The following NRP2 variants were observed in gnomAD, a reference collection of about 807,000 sequenced individuals.
NRP2 encodes the protein neuropilin-2.
In NRP2, 52 loss-of-function variants were observed where a neutral mutation model predicts 110.4. That is an observed-to-expected ratio of 0.47 (90% CI 0.38 to 0.59). NRP2 has a LOEUF of 0.59. Ranked by LOEUF, NRP2 falls within the 20% of genes least tolerant of loss-of-function variation. The pLI, the probability that NRP2 is intolerant of heterozygous loss-of-function variation, is 0.00. For missense variants in NRP2, 1,049 were observed against 1,203.0 expected, an observed-to-expected ratio of 0.87 and a Z score of 1.89; for synonymous variants, 508 against 468.9, an observed-to-expected ratio of 1.08 and a Z score of -1.08.
At chr2:205,702,329 C>G (rs1432493868) in intron 2 of NRP2, among the ~76,000 whole-genome samples, 1 of 152,208 alleles carries the variant, frequency 6.6e-6, no homozygotes, top group African/African-American at 2.4e-5. Context: ...TTTGCTCAAG[C>G]CAGTGCAATC....
intron 1 of NRP2, among the ~76,000 whole-genome samples, chr2:205,695,447 A>G (rs2056403771): frequency 6.6e-6 from 1 of 152,252 alleles, no homozygotes; most frequent in South Asian, 2.1e-4. Flanking sequence ...TTGAGGGAGA[A>G]AAGTTCCCCT....
chr2:205,767,616 A>G (rs1034068367), intron 15 of NRP2: 2 of 305,936 alleles, frequency 6.5e-6, no homozygotes, highest in African/African-American at 4.5e-5. Context: ...GGTGATGGCA[A>G]TGTTGTTTGT....
intron 2 of NRP2, among the ~76,000 whole-genome samples, chr2:205,698,239 A>G (rs779874404): frequency 9.2e-5 from 14 of 152,078 alleles, no homozygotes; most frequent in Admixed American, 1.3e-4. Context: ...AAAAAAATCT[A>G]AGTAGTTCTA....
chr2:205,794,859 T>G lies in NRP2; in HGVS notation c.2582T>G (p.Leu861Arg). Residue 861 changes from leucine to arginine, a missense_variant, in exon 17 of 17, where the codon CTC becomes CGC. Physicochemically the swap from Leu to Arg is moderately radical, Grantham distance 102 (BLOSUM62 -2). Transcript: ENST00000357785. Reference sequence around the variant, plus strand: ...TGGCTGTACACCCTGGATCCCATCCTCATCACCATCATCGCCATGAGCTCA... The same window carrying G: ...TGGCTGTACACCCTGGATCCCATCCGCATCACCATCATCGCCATGAGCTCA... Reference protein sequence around the residue: ...KSWLYTLDPILITIIAMSSLG... With the variant: ...KSWLYTLDPIRITIIAMSSLG... 6.2e-7 allele frequency: 1 copy of G among 1,614,176 alleles called. No individual in the cohort carries two copies. The highest frequency in any genetic ancestry group is 8.5e-7 in the Non-Finnish European group (1 of 1,180,042).
At chr2:205,685,554 C>A (rs849533) in intron 1 of NRP2, among the ~76,000 whole-genome samples, 132,869 of 152,276 alleles carry the variant, frequency 0.87, 58,556 homozygotes, top group East Asian at 0.95. Context: ...GCAAATAACA[C>A]GGCGGTCGCG....
intron 9 of NRP2, among the ~76,000 whole-genome samples, chr2:205,743,988 C>T (rs1178780107): frequency 6.6e-6 from 1 of 152,208 alleles, no homozygotes; most frequent in Non-Finnish European, 1.5e-5. Context: ...AAGTGATCCA[C>T]TTGCCTTGGC....
At chr2:205,713,535 A>C (rs2056838501) in intron 2 of NRP2, among the ~76,000 whole-genome samples, 1 of 152,234 alleles carries the variant, frequency 6.6e-6, no homozygotes, top group Non-Finnish European at 1.5e-5. Flanking sequence ...GCCATTGTTC[A>C]TATTTTAGTA....
At chr2:205,740,480 A>C (rs767262536) in intron 7 of NRP2, 39 bp from the exon 8 acceptor site, 7 of 1,613,284 alleles carry the variant, frequency 4.3e-6, no homozygotes, top group Non-Finnish European at 5.9e-6. Context: ...AACTACAAAC[A>C]GGGGTTTCAA....
chr2:205,716,783 T>C (rs1296549011), intron 3 of NRP2, among the ~76,000 whole-genome samples: 1 of 152,166 alleles, frequency 6.6e-6, no homozygotes, highest in African/African-American at 2.4e-5. Flanking sequence ...GAGGACATAA[T>C]CTTTTCATTG....
intron 12 of NRP2, among the ~76,000 whole-genome samples, chr2:205,758,470 C>A (rs1490172247): frequency 6.6e-6 from 1 of 152,162 alleles, no homozygotes; most frequent in Non-Finnish European, 1.5e-5. Flanking sequence ...GCAGCTGAAG[C>A]CAGATGCGGC....
chr2:205,740,296 G>T (rs1012862147), intron 7 of NRP2, among the ~76,000 whole-genome samples: 2 of 151,972 alleles, frequency 1.3e-5, no homozygotes, highest in African/African-American at 4.8e-5. Flanking sequence ...CCCTCTAAAA[G>T]TTTCTGGGAA....
chr2:205,752,124 A>AT (rs1331511573), intron 11 of NRP2, among the ~76,000 whole-genome samples: 9 of 152,300 alleles, frequency 5.9e-5, no homozygotes, highest in African/African-American at 2.2e-4. Flanking sequence ...CCGGGGTCGC[A>AT]GCCTCCAGGG....
chr2:205,765,806 C>T, intron 14 of NRP2: 3 of 647,716 alleles, frequency 4.6e-6, no homozygotes, highest in Non-Finnish European at 8.7e-6. Context: ...AATAGACATG[C>T]ACTAAGTACA....
intron 1 of NRP2, among the ~76,000 whole-genome samples, chr2:205,690,198 A>AAAC (rs2056279699): frequency 6.6e-6 from 1 of 152,238 alleles, no homozygotes; most frequent in East Asian, 1.9e-4. Flanking sequence ...AGAAAAAATA[A>AAAC]AACAGATGTT....
At chr2:205,702,723 C>T (rs139167818) in intron 2 of NRP2, among the ~76,000 whole-genome samples, 5 of 152,262 alleles carry the variant, frequency 3.3e-5, no homozygotes, top group Non-Finnish European at 7.4e-5. Context: ...TCATCTGGCC[C>T]CTCCCCATTC....
At chr2:205,719,273 G>A (rs964604566) in intron 3 of NRP2, among the ~76,000 whole-genome samples, 4 of 152,162 alleles carry the variant, frequency 2.6e-5, no homozygotes, top group African/African-American at 7.2e-5. Context: ...ACATTACCCT[G>A]GTGAGGCTCT....
intron 3 of NRP2, among the ~76,000 whole-genome samples, chr2:205,719,095 A>G (rs2056960370): frequency 6.6e-6 from 1 of 152,330 alleles, no homozygotes; most frequent in East Asian, 1.9e-4. Flanking sequence ...AAATATACAA[A>G]GTTTACGTCA....
At chr2:205,748,870 A>G (rs1365890398) in intron 10 of NRP2, among the ~76,000 whole-genome samples, 3 of 152,234 alleles carry the variant, frequency 2.0e-5, no homozygotes, top group Non-Finnish European at 4.4e-5. Context: ...AATGACGGGC[A>G]TGAGCAAATA....
chr2:205,700,050 G>A (rs946027869), intron 2 of NRP2, among the ~76,000 whole-genome samples: 7 of 150,708 alleles, frequency 4.6e-5, no homozygotes, highest in African/African-American at 1.7e-4. Context: ...ACTCTTCAAG[G>A]TATTTTTGAC....
Sources: allele counts gnomAD v4.1 joint callset (sites outside exome capture counted in the v4.1 genomes callset), GRCh38; gene constraint gnomAD v4.1.1; transcripts MANE v1.5; gene names NCBI Gene and HGNC (gene_info 2026-07-23, HGNC 2026-07-21).